FTO: variants seen among roughly 807,000 people sequenced by gnomAD.
FTO encodes the protein alpha-ketoglutarate-dependent dioxygenase FTO.
In FTO, 47 loss-of-function variants were observed where a neutral mutation model predicts 63.9. The ratio of observed to expected loss-of-function variants is 0.74; its 90% CI spans 0.58 to 0.94. The LOEUF is 0.94. Ranked by LOEUF, FTO falls within the 40% of genes least tolerant of loss-of-function variation. FTO has a pLI of 0.00. For synonymous variants in FTO, 207 were observed against 224.4 expected (o/e 0.92, Z 0.69); for missense variants, 562 against 618.1 (o/e 0.91, Z 0.96).
At chr16:54,040,768 AG>A (rs1296140311) in intron 8 of FTO, 1 of 152,244 alleles carries the variant, frequency 6.6e-6, no homozygotes, top group East Asian at 1.9e-4. Context: ...ATGCGAGATG[AG>A]AATAGTCAGA....
intron 7 of FTO, among the ~76,000 whole-genome samples, chr16:53,917,568 C>T (rs1343997142): frequency 6.6e-6 from 1 of 151,922 alleles, no homozygotes; most frequent in Non-Finnish European, 1.5e-5. Flanking sequence ...GTTGTTGACA[C>T]ATTTCTGATT....
rs202153581 is a variant in FTO, at chr16:53,776,633, AC to A, written c.46-33506del. 2.7e-3 allele frequency among the ~76,000 whole-genome samples: 415 copies of A among 152,314 alleles called. 14 individuals are homozygous for A. Among genetic ancestry groups the A allele is most frequent in the Non-Finnish European group, 7.8e-4 (53 of 68,018 alleles). On this transcript the variant is annotated intron_variant, in intron 1 of 8. Transcript: ENST00000471389. ...TTAAAAATAGCAAAACCCCTTCATT[AC>A]AAGTTAATGTAACATTTTTTATGAA... is the stretch of plus-strand genomic sequence containing the variant.
At position 53,826,458 on chromosome 16, in the gene FTO, T is replaced by A. The variant is rs1320667402; in HGVS notation, c.718T>A (p.Ser240Thr). The stretch of plus-strand genomic sequence containing the variant: ...TCATGATGAAAATCTGGTGGACAGG[T>A]CAGCGGTGGCAGTGTACAGTTATAG... ...WHHDENLVDRSAVAVYSYSCE... is the reference protein window; with the variant it reads ...WHHDENLVDRTAVAVYSYSCE... The change falls in exon 3 of 9, where the codon TCA becomes ACA. Residue 240 changes from serine to threonine, a missense_variant. Transcript: ENST00000471389. 1 of 1,614,140 alleles carries A rather than the reference T, an allele frequency of 6.2e-7. No individual in the cohort carries two copies. Among genetic ancestry groups the A allele is most frequent in the East Asian group, 2.2e-5 (1 of 44,864 alleles).
intron 8 of FTO, among the ~76,000 whole-genome samples, chr16:54,052,176 G>A (rs962940702): frequency 1.8e-4 from 28 of 152,202 alleles, no homozygotes; most frequent in African/African-American, 6.0e-4. Context: ...AATTGACAGA[G>A]ACGCCAGTGC....
intron 1 of FTO, among the ~76,000 whole-genome samples, chr16:53,769,224 T>C (rs1250760787): frequency 6.6e-6 from 1 of 152,154 alleles, no homozygotes; most frequent in African/African-American, 2.4e-5. Context: ...TTCTTCTGGG[T>C]GAGAGGGGAG....
intron 8 of FTO, among the ~76,000 whole-genome samples, chr16:53,947,211 G>A (rs75892173): frequency 0.014 from 2,133 of 152,294 alleles, 44 homozygotes; most frequent in African/African-American, 0.048. Context: ...GAGAAAGGCT[G>A]TCCTGGCCCT....
chr16:53,832,885 T>G (rs898311105), intron 3 of FTO, among the ~76,000 whole-genome samples: 1 of 152,218 alleles, frequency 6.6e-6, no homozygotes, highest in Non-Finnish European at 1.5e-5. Context: ...TTCTGCTTTC[T>G]GTCTGTATTA....
intron 1 of FTO, among the ~76,000 whole-genome samples, chr16:53,705,447 C>T (rs539583052): frequency 6.6e-6 from 1 of 152,306 alleles, no homozygotes; most frequent in African/African-American, 2.4e-5. Context: ...GCTTCAGGGC[C>T]TTTGCACATG....
At chr16:53,835,357 G>T (rs1598781879) in intron 3 of FTO, among the ~76,000 whole-genome samples, 1 of 152,090 alleles carries the variant, frequency 6.6e-6, no homozygotes, top group South Asian at 2.1e-4. Flanking sequence ...TTCTTATTTT[G>T]GTGGAGCATG....
At chr16:53,771,561 T>C (rs1436075829) in intron 1 of FTO, among the ~76,000 whole-genome samples, 1 of 152,256 alleles carries the variant, frequency 6.6e-6, no homozygotes, top group Non-Finnish European at 1.5e-5. Flanking sequence ...AACTCTTTTA[T>C]GTTTCCTCAA....
At chr16:53,980,949 C>T (rs1056662183) in intron 8 of FTO, among the ~76,000 whole-genome samples, 1 of 152,136 alleles carries the variant, frequency 6.6e-6, no homozygotes, top group African/African-American at 2.4e-5. Context: ...CAAGTATAAA[C>T]AGAGTGTAGC....
At chr16:53,946,850 T>A (rs1413545728) in intron 8 of FTO, among the ~76,000 whole-genome samples, 1 of 152,158 alleles carries the variant, frequency 6.6e-6, no homozygotes, top group Non-Finnish European at 1.5e-5. Flanking sequence ...TCGGAAAGCA[T>A]AGGTTTTGCT....
intron 2 of FTO, among the ~76,000 whole-genome samples, chr16:53,813,885 A>AG (rs1483867924): frequency 2.0e-5 from 3 of 152,216 alleles, no homozygotes; most frequent in African/African-American, 7.2e-5. Context: ...AGAAATCAAG[A>AG]GAGGAACCAG....
intron 4 of FTO, among the ~76,000 whole-genome samples, chr16:53,853,765 G>T (rs1039514370): frequency 5.3e-5 from 8 of 152,100 alleles, no homozygotes; most frequent in Non-Finnish European, 7.4e-5. Context: ...TTGCAATTGT[G>T]AAATGTGCTG....
intron 8 of FTO, among the ~76,000 whole-genome samples, chr16:54,096,698 G>C (rs2086523082): frequency 6.6e-6 from 1 of 152,176 alleles, no homozygotes; most frequent in African/African-American, 2.4e-5. Flanking sequence ...TTGGACTAGT[G>C]AGTGACCTAA....
At chr16:53,777,673 T>C (rs1314120267) in intron 1 of FTO, among the ~76,000 whole-genome samples, 2 of 152,206 alleles carry the variant, frequency 1.3e-5, no homozygotes, top group Non-Finnish European at 2.9e-5. Context: ...GTATCACCAC[T>C]GATCTTATAC....
chr16:53,981,498 C>A (rs1167823485), intron 8 of FTO: 2 of 152,264 alleles, frequency 1.3e-5, no homozygotes, highest in Non-Finnish European at 2.9e-5. Flanking sequence ...TGAGGCCTGG[C>A]ATGGTGGCTC....
chr16:54,086,383 A>C (rs1325023870), intron 8 of FTO, among the ~76,000 whole-genome samples: 1 of 152,224 alleles, frequency 6.6e-6, no homozygotes, highest in Non-Finnish European at 1.5e-5. Flanking sequence ...TCCTGCCCAC[A>C]GCAACCACAC....
intron 1 of FTO, among the ~76,000 whole-genome samples, chr16:53,762,540 T>C (rs1380301378): frequency 1.3e-5 from 2 of 152,114 alleles, no homozygotes; most frequent in Non-Finnish European, 2.9e-5. Context: ...GAGTGAATGA[T>C]GGTAATACCA....
Sources: gnomAD v4.1 joint callset for allele counts (sites outside exome capture counted in the v4.1 genomes callset) on GRCh38, gnomAD v4.1.1 for gene constraint, MANE v1.5 for transcripts, NCBI Gene and HGNC (gene_info 2026-07-23, HGNC 2026-07-21) for gene names.